The following CCNY variants were observed in gnomAD, a reference collection of about 807,000 sequenced individuals.
CCNY encodes cyclin Y.
A neutral mutation model predicts 42.8 loss-of-function variants in CCNY; 19 were observed. That is an observed-to-expected ratio of 0.44 (90% CI 0.31 to 0.65). The LOEUF is 0.65. Among genes scored for constraint, CCNY ranks in the 30% least tolerant of loss-of-function variants. CCNY has a pLI of 0.07. For synonymous variants in CCNY, 165 were observed against 162.7 expected, an observed-to-expected ratio of 1.01 and a Z score of -0.11; for missense variants, 370 against 437.3, an observed-to-expected ratio of 0.85 and a Z score of 1.37.
intron 3 of CCNY, among the ~76,000 whole-genome samples, chr10:35,322,969 C>A (rs937933890): frequency 6.6e-6 from 1 of 152,136 alleles, no homozygotes; most frequent in Non-Finnish European, 1.5e-5. Flanking sequence ...CTCTGTCGCT[C>A]AGGCTGGAGT....
Position 35,431,656 on chromosome 10 carries a change from T to C in CCNY, c.155-51748T>C, listed in dbSNP as rs114213417. On this transcript the variant is annotated intron_variant, in intron 1 of 9. Coordinates refer to ENST00000374704, the MANE Select transcript of CCNY (RefSeq NM_145012.6). The stretch of plus-strand genomic sequence containing the variant: ...TTGACTGAACTGTCATTCTTTAGAG[T>C]TTTGATACGTGTTCTTCCTGCAGAA... 1.0e-3 allele frequency among the ~76,000 whole-genome samples: 158 copies of C among 151,932 alleles called. 2 individuals are homozygous for C. Among genetic ancestry groups the C allele is most frequent in the African/African-American group, 3.6e-3 (150 of 41,416 alleles).
intron 3 of CCNY, among the ~76,000 whole-genome samples, chr10:35,273,393 T>A (rs1452690613): frequency 1.3e-5 from 2 of 151,730 alleles, no homozygotes; most frequent in Non-Finnish European, 2.9e-5. Flanking sequence ...TTAGTAGAGA[T>A]GGGGTTTCAT....
intron 3 of CCNY, among the ~76,000 whole-genome samples, chr10:35,283,096 T>A (rs1835315857): frequency 6.6e-6 from 1 of 152,210 alleles, no homozygotes; most frequent in African/African-American, 2.4e-5. Context: ...TGGATTCTCC[T>A]TGAGGCCCAA....
chr10:35,569,326 G>C lies in CCNY; in HGVS notation c.*156G>C, dbSNP rs894664689. ...CCTGGATGAGCGCCCATGCAGCAAG[G>C]CTTGGAGGAAGCGTCAGTGCCCTGG... On this transcript the variant is annotated 3_prime_UTR_variant, in exon 10 of 10. Coordinates refer to ENST00000374704, the MANE Select transcript of CCNY (RefSeq NM_145012.6). 1 of 616,500 alleles carries C rather than the reference G, an allele frequency of 1.6e-6. No homozygotes were observed. Among genetic ancestry groups the C allele is most frequent in the Admixed American group, 2.6e-5 (1 of 37,756 alleles). The allele number at this position is 616,500 out of a possible 1,614,324, so 38.2% of individuals were successfully genotyped here.
At chr10:35,321,897 G>A (rs2135096117) in intron 3 of CCNY, among the ~76,000 whole-genome samples, 1 of 152,276 alleles carries the variant, frequency 6.6e-6, no homozygotes, top group Admixed American at 6.5e-5. Context: ...CTATGGGCAA[G>A]TAATTTTTGA....
rs111706337 is a variant in CCNY at position 35,439,707 on chromosome 10, A to ATTT, written c.155-43685_155-43683dup. 3.5e-4 allele frequency among the ~76,000 whole-genome samples: 49 copies of ATTT among 141,406 alleles called. 1 individual carries two copies. The highest frequency in any genetic ancestry group is 1.2e-3 in the African/African-American group (48 of 38,970). The allele number at this position is 141,406 out of a possible 152,430, so 92.8% of individuals were successfully genotyped here. A position where few individuals can be genotyped will look rare whatever the true frequency, so the allele number is the denominator to read the frequency against. On this transcript the variant is annotated intron_variant, in intron 1 of 9. Transcript: ENST00000374704. ...ATCTAGCTTCTTGGTAGGATGAGTG[A>ATTT]TTTTTTTTTTTTTTAATTGAAACCT...
chr10:35,375,331 C>T (rs1367901242), intron 1 of CCNY, among the ~76,000 whole-genome samples: 2 of 152,142 alleles, frequency 1.3e-5, no homozygotes, highest in East Asian at 1.9e-4. Context: ...GGCCCTTCCT[C>T]CATCTTTAAA....
intron 1 of CCNY, among the ~76,000 whole-genome samples, chr10:35,354,221 T>C (rs1397914700): frequency 2.7e-5 from 4 of 149,546 alleles, no homozygotes; most frequent in African/African-American, 9.9e-5. Flanking sequence ...CATCTCACTC[T>C]GTCGCTCAGG....
intron 3 of CCNY, among the ~76,000 whole-genome samples, chr10:35,275,115 G>T (rs1196411595): frequency 7.1e-6 from 1 of 140,790 alleles, no homozygotes; most frequent in Non-Finnish European, 1.5e-5. Context: ...CCAGGCTGGA[G>T]TGCATTGGTG....
chr10:35,279,110 G>GTTTTT (rs869276523), intron 3 of CCNY, among the ~76,000 whole-genome samples: 6 of 102,806 alleles, frequency 5.8e-5, no homozygotes, highest in East Asian at 2.9e-4. Context: ...AGCTTTCAAT[G>GTTTTT]TTTTTTTTTT....
chr10:35,439,652 A>G (rs1181910768), intron 1 of CCNY, among the ~76,000 whole-genome samples: 1 of 151,086 alleles, frequency 6.6e-6, no homozygotes, highest in Non-Finnish European at 1.5e-5. Context: ...CAGTGCTGGC[A>G]TGTATGTTCT....
chr10:35,410,673 T>G (rs1837884060), intron 1 of CCNY, among the ~76,000 whole-genome samples: 1 of 152,234 alleles, frequency 6.6e-6, no homozygotes, highest in South Asian at 2.1e-4. Context: ...AAAAGCAAGC[T>G]TAAGTTCAAG....
intron 1 of CCNY, among the ~76,000 whole-genome samples, chr10:35,417,260 G>A (rs1472895884): frequency 6.6e-6 from 1 of 152,196 alleles, no homozygotes; most frequent in East Asian, 1.9e-4. Flanking sequence ...GCAAAGAGGT[G>A]TTCTCATTCC....
chr10:35,526,972 C>T (rs1254685985), intron 5 of CCNY, among the ~76,000 whole-genome samples: 2 of 152,096 alleles, frequency 1.3e-5, no homozygotes, highest in South Asian at 2.1e-4. Context: ...AGAGCTCAGC[C>T]CGTGGGAGCC....
intron 1 of CCNY, among the ~76,000 whole-genome samples, chr10:35,474,545 C>T (rs1839463199): frequency 6.6e-6 from 1 of 152,164 alleles, no homozygotes; most frequent in Admixed American, 6.5e-5. Flanking sequence ...ACACTGACAC[C>T]TCACACTGCA....
At chr10:35,394,179 T>C (rs934871050) in intron 1 of CCNY, among the ~76,000 whole-genome samples, 2 of 152,220 alleles carry the variant, frequency 1.3e-5, no homozygotes, top group African/African-American at 4.8e-5. Flanking sequence ...CTTGTGGCTA[T>C]GGTAATGCCC....
chr10:35,393,471 G>A (rs1295268595), intron 1 of CCNY, among the ~76,000 whole-genome samples: 4 of 152,136 alleles, frequency 2.6e-5, no homozygotes, highest in East Asian at 3.9e-4. Context: ...TTCACCTTCC[G>A]CTTTCCCTTC....
chr10:35,362,118 A>G (rs942905312), intron 1 of CCNY, among the ~76,000 whole-genome samples: 9 of 152,372 alleles, frequency 5.9e-5, no homozygotes, highest in Admixed American at 2.0e-4. Flanking sequence ...GTTTAAACAA[A>G]TCTTCCAAAA....
intron 4 of CCNY, among the ~76,000 whole-genome samples, chr10:35,524,717 A>G (rs1237336696): frequency 2.0e-5 from 3 of 152,270 alleles, no homozygotes; most frequent in Non-Finnish European, 2.9e-5. Context: ...AAAATTGTCC[A>G]GAACATGAAT....
Sources: allele counts gnomAD v4.1 joint callset (sites outside exome capture counted in the v4.1 genomes callset), GRCh38; gene constraint gnomAD v4.1.1; transcripts MANE v1.5; gene names NCBI Gene and HGNC (gene_info 2026-07-23, HGNC 2026-07-21).